USO1: variants seen among roughly 807,000 people sequenced by gnomAD.
The protein encoded by USO1 is general vesicular transport factor p115.
Under a neutral mutation model 124.5 loss-of-function variants are expected in USO1, and 57 were observed. That is an observed-to-expected ratio of 0.46 (90% CI 0.37 to 0.57). USO1 has a LOEUF of 0.57. Ranked by LOEUF, USO1 falls within the 20% of genes least tolerant of loss-of-function variation. The pLI is 0.00. For synonymous variants in USO1, 369 were observed against 362.8 expected (o/e 1.02, Z -0.19); for missense variants, 900 against 1,040.6 (o/e 0.86, Z 1.86).
intron 7 of USO1, among the ~76,000 whole-genome samples, chr4:75,773,681 G>A (rs1482559859): frequency 3.9e-5 from 6 of 152,138 alleles, no homozygotes; most frequent in African/African-American, 1.4e-4. Flanking sequence ...GAAGTTGGCA[G>A]CATTAAGTGG....
Position 75,800,647 on chromosome 4 carries a change from G to A in USO1, c.1712G>A (p.Arg571Lys), listed in dbSNP as rs965712225. The A allele has an allele frequency of 6.3e-7, 1 of 1,583,602 alleles. No individual in the cohort carries two copies. Among genetic ancestry groups the A allele is most frequent in the Non-Finnish European group, 8.6e-7 (1 of 1,169,404 alleles). Residue 571 changes from arginine (R) to lysine (K), a missense_variant, in exon 16 of 24, where the codon AGG becomes AAG. Arg to Lys is a conservative substitution (Grantham distance 26). Transcript: ENST00000514213. ...KEKLKQLIEK[R>K]IGKENFIEKL... ...AAGCTAAAACAACTGATTGAGAAGA[G>A]GATTGGCAAAGAGAATTTCATAGAG...
At chr4:75,772,399 G>A (rs324712) in intron 7 of USO1, among the ~76,000 whole-genome samples, 53,454 of 151,614 alleles carry the variant, frequency 0.35, 11,590 homozygotes, top group African/African-American at 0.62. Flanking sequence ...ATCACCCCCA[G>A]CTAATTTTTT....
intron 9 of USO1, among the ~76,000 whole-genome samples, chr4:75,784,626 A>G (rs436611): frequency 0.12 from 18,081 of 151,986 alleles, 1,090 homozygotes; most frequent in Middle Eastern, 0.18. Context: ...AGACCAACCT[A>G]GGCAACATGG....
intron 14 of USO1, 100 bp downstream of exon 14, chr4:75,799,832 T>G: frequency 7.3e-7 from 1 of 1,364,554 alleles, no homozygotes; most frequent in Non-Finnish European, 1.0e-6. Flanking sequence ...ATTTGAATTC[T>G]CCACTATCTT....
intron 1 of USO1, among the ~76,000 whole-genome samples, chr4:75,734,313 T>C (rs1460139554): frequency 2.0e-5 from 3 of 152,136 alleles, no homozygotes; most frequent in Non-Finnish European, 4.4e-5. Flanking sequence ...AATTTTTGTA[T>C]ATGGTAAAAG....
intron 7 of USO1, among the ~76,000 whole-genome samples, chr4:75,772,581 A>G (rs560702608): frequency 3.6e-4 from 55 of 152,236 alleles, no homozygotes; most frequent in African/African-American, 1.3e-3. Context: ...GTCATTTTTA[A>G]GAAATGTCTT....
Position 75,748,938 on chromosome 4 carries a change from AAGT to A in USO1, c.67-3430_67-3428del, listed in dbSNP as rs1721213813. On this transcript the variant is annotated intron_variant, in intron 1 of 23. Coordinates refer to ENST00000514213, the MANE Select transcript of USO1 (RefSeq NM_003715.4). ...TAAGAGATAACTAAGTAGTTTTTCTAAGTAGTAAAAAAAATATATATATACATA... is the reference window on the plus strand; with the variant it reads ...TAAGAGATAACTAAGTAGTTTTTCTAAGTAAAAAAAATATATATATACATA... Among the ~76,000 whole-genome samples, 5 of 149,286 alleles carry A rather than the reference AAGT, an allele frequency of 3.3e-5. No individual in the cohort carries two copies. In the South Asian group the frequency reaches 1.1e-3, roughly 32 times the overall value.
rs753369609 is a variant in USO1 at position 75,739,538 on chromosome 4, C to CTTT, written c.67-12817_67-12815dup. Among the ~76,000 whole-genome samples the CTTT allele has an allele frequency of 9.5e-4, 100 of 105,400 alleles. 1 individual carries two copies. The highest frequency in any genetic ancestry group is 6.3e-3 in the Middle Eastern group (1 of 160). The allele number at this position is 105,400 out of a possible 152,430, so 69.1% of individuals were successfully genotyped here. On this transcript the variant is annotated intron_variant, in intron 1 of 23. Transcript: ENST00000514213. ...TTGCATTTTTGTATTTTATCTTTTTCTTTTTTTTTTTTTTTTTTTTGAGAC... is the reference window on the plus strand; with the variant it reads ...TTGCATTTTTGTATTTTATCTTTTTCTTTTTTTTTTTTTTTTTTTTTTTGAGAC...
intron 1 of USO1, among the ~76,000 whole-genome samples, chr4:75,739,913 C>T (rs992262870): frequency 1.3e-5 from 2 of 152,064 alleles, no homozygotes; most frequent in Non-Finnish European, 2.9e-5. Context: ...TCTGGTGTTC[C>T]TAAGCACAAG....
At chr4:75,775,311 G>T (rs1722043049) in intron 8 of USO1, among the ~76,000 whole-genome samples, 1 of 152,118 alleles carries the variant, frequency 6.6e-6, no homozygotes. Flanking sequence ...GGCTGAAGTG[G>T]GTGGATCACT....
At chr4:75,751,214 A>T (rs1721290248) in intron 1 of USO1, among the ~76,000 whole-genome samples, 3 of 149,232 alleles carry the variant, frequency 2.0e-5, no homozygotes, top group African/African-American at 4.9e-5. Context: ...TTTTATTTTT[A>T]TTTATTTATT....
chr4:75,811,043 G>A (rs1286348625), intron 22 of USO1, among the ~76,000 whole-genome samples: 2 of 152,058 alleles, frequency 1.3e-5, no homozygotes. Flanking sequence ...AGCCACAAAT[G>A]AAGCTTTTAA....
chr4:75,758,083 A>G (rs2149159343), intron 4 of USO1, among the ~76,000 whole-genome samples: 1 of 152,142 alleles, frequency 6.6e-6, no homozygotes, highest in Non-Finnish European at 1.5e-5. Context: ...AAATCCACAC[A>G]TTTCTTTGGC....
At chr4:75,808,188 G>T (rs1273047981) in intron 20 of USO1, among the ~76,000 whole-genome samples, 1 of 151,964 alleles carries the variant, frequency 6.6e-6, no homozygotes, top group Non-Finnish European at 1.5e-5. Context: ...TACTTTTTTT[G>T]GGGGAGGAGA....
Position 75,745,364 on chromosome 4 carries a change from A to G in USO1, c.67-7009A>G, listed in dbSNP as rs747091276. The G allele has an allele frequency of 9.6e-6, 5 of 519,726 alleles. No homozygotes were observed. The Admixed American group carries it at 9.7e-5, about 10-fold the overall frequency. The allele number at this position is 519,726 out of a possible 1,614,324, so 32.2% of individuals were successfully genotyped here. A position where few individuals can be genotyped will look rare whatever the true frequency, so the allele number is the denominator to read the frequency against. On this transcript the variant is annotated intron_variant, in intron 1 of 23. Transcript: ENST00000514213. ...AGGGTGTTTAGTAGACAGTTGTGCA[A>G]GTGGAGCTATTCACAGGGACTGTAT...
At chr4:75,786,088 T>C (rs1173131046) in intron 9 of USO1, among the ~76,000 whole-genome samples, 2 of 152,188 alleles carry the variant, frequency 1.3e-5, no homozygotes, top group Admixed American at 6.5e-5. Context: ...TTTTCTCTAA[T>C]TCTAGTGATT....
intron 21 of USO1, among the ~76,000 whole-genome samples, chr4:75,809,855 T>C (rs1474317828): frequency 6.6e-6 from 1 of 152,206 alleles, no homozygotes; most frequent in Non-Finnish European, 1.5e-5. Context: ...TTGTCTACCA[T>C]GCACCTCTCT....
chr4:75,749,657 A>G (rs1721241970), intron 1 of USO1, among the ~76,000 whole-genome samples: 1 of 151,782 alleles, frequency 6.6e-6, no homozygotes, highest in South Asian at 2.1e-4. Flanking sequence ...GTAAGTTAAA[A>G]TACTTGCTTT....
intron 9 of USO1, among the ~76,000 whole-genome samples, chr4:75,786,213 A>G (rs535103252): frequency 1.2e-4 from 18 of 152,308 alleles, no homozygotes; most frequent in African/African-American, 4.1e-4. Flanking sequence ...GAGTCAATCC[A>G]TAGATCACAA....
Sources: allele counts gnomAD v4.1 joint callset (sites outside exome capture counted in the v4.1 genomes callset), GRCh38; gene constraint gnomAD v4.1.1; transcripts MANE v1.5; gene names NCBI Gene and HGNC (gene_info 2026-07-23, HGNC 2026-07-21).